The following ARHGAP31 variants were observed in gnomAD, a reference collection of about 807,000 sequenced individuals.
The protein encoded by ARHGAP31 is Rho GTPase activating protein 31.
Under a neutral mutation model 113.9 loss-of-function variants are expected in ARHGAP31, and 34 were observed. That is an observed-to-expected ratio of 0.30 (90% CI 0.23 to 0.40). The LOEUF is 0.40. Among genes scored for constraint, ARHGAP31 ranks in the 10% least tolerant of loss-of-function variants. ARHGAP31 has a pLI of 1.00. For synonymous variants in ARHGAP31, 650 were observed against 684.8 expected (o/e 0.95, Z 0.79); for missense variants, 1,548 against 1,767.1 (o/e 0.88, Z 2.22).
intron 11 of ARHGAP31, among the ~76,000 whole-genome samples, chr3:119,410,754 A>G (rs771288615): frequency 6.6e-6 from 1 of 152,232 alleles, no homozygotes; most frequent in African/African-American, 2.4e-5. Flanking sequence ...CAAAACATGT[A>G]TTTAACATGA....
intron 1 of ARHGAP31, chr3:119,329,701 G>GA (rs960714441): frequency 1.3e-6 from 1 of 740,800 alleles, no homozygotes; most frequent in Admixed American, 6.3e-5. Flanking sequence ...GGGGAACTTC[G>GA]AAACAGGACT....
chr3:119,416,374 G>T lies in ARHGAP31; in HGVS notation c.*110G>T, dbSNP rs1260720168. Reference sequence around the variant, plus strand: ...CGTTATCAAGTTTGGGCCTATTGTGGCCTCTGACTTCTCTTTCTTCAGCCT... The same window carrying T: ...CGTTATCAAGTTTGGGCCTATTGTGTCCTCTGACTTCTCTTTCTTCAGCCT... On this transcript the variant is annotated 3_prime_UTR_variant, in exon 12 of 12. Coordinates refer to ENST00000264245, the MANE Select transcript of ARHGAP31 (RefSeq NM_020754.4). 4.7e-6 allele frequency: 7 copies of T among 1,482,424 alleles called. No homozygotes were observed. In the African/African-American group the frequency reaches 9.7e-5, roughly 21 times the overall value. The allele number at this position is 1,482,424 out of a possible 1,614,324, so 91.8% of individuals were successfully genotyped here.
chr3:119,381,584 A>G (rs1040170319), intron 4 of ARHGAP31, among the ~76,000 whole-genome samples: 1 of 152,176 alleles, frequency 6.6e-6, no homozygotes, highest in African/African-American at 2.4e-5. Context: ...AAGTACCAAG[A>G]TCCCTGTAGC....
chr3:119,343,795 C>T (rs79586552), intron 1 of ARHGAP31, among the ~76,000 whole-genome samples: 3,752 of 152,276 alleles, frequency 0.025, 59 homozygotes, highest in East Asian at 0.061. Flanking sequence ...CTCTGTAGGA[C>T]GAGGAGCTCA....
At chr3:119,356,535 G>A (rs534368527) in intron 1 of ARHGAP31, among the ~76,000 whole-genome samples, 1 of 152,006 alleles carries the variant, frequency 6.6e-6, no homozygotes, top group South Asian at 2.1e-4. Context: ...GGAGGCTAAG[G>A]CAGGAGAATC....
intron 1 of ARHGAP31, among the ~76,000 whole-genome samples, chr3:119,334,270 C>T (rs1159259502): frequency 6.6e-6 from 1 of 152,166 alleles, no homozygotes; most frequent in Non-Finnish European, 1.5e-5. Context: ...GTCCTTTTGG[C>T]CTGGCTCCTT....
At chr3:119,401,216 A>G (rs2080603373) in intron 9 of ARHGAP31, among the ~76,000 whole-genome samples, 1 of 151,656 alleles carries the variant, frequency 6.6e-6, no homozygotes. Flanking sequence ...GCTTTCTAAC[A>G]GTTAGTTAAT....
At chr3:119,338,693 G>A (rs1431461302) in intron 1 of ARHGAP31, among the ~76,000 whole-genome samples, 1 of 152,132 alleles carries the variant, frequency 6.6e-6, no homozygotes, top group Non-Finnish European at 1.5e-5. Flanking sequence ...GTTAAGCTTG[G>A]AAAGAGTTTT....
At chr3:119,342,042 C>A (rs1284840264) in intron 1 of ARHGAP31, 1 of 152,144 alleles carries the variant, frequency 6.6e-6, no homozygotes, top group Non-Finnish European at 1.5e-5. Context: ...CTAACCTGGT[C>A]CCCACCACTT....
Position 119,382,385 on chromosome 3 carries a change from G to A in ARHGAP31, c.525G>A (p.Ala175=), listed in dbSNP as rs1304654063. ...CCCGGAACCTGGCCCTGGTGTGGGC[G>A]CCAAACCTCCTCAGGTAACCACTCT... ...MHARNLALVW[A]PNLLRSKEIE... is the part of the protein sequence containing the mutation. Residue 175 remains alanine (A), a synonymous_variant, in exon 5 of 12, where the codon GCG becomes GCA. Transcript: ENST00000264245. 15 of 1,613,940 alleles carry A rather than the reference G, an allele frequency of 9.3e-6. No homozygotes were observed. Among genetic ancestry groups the A allele is most frequent in the East Asian group, 2.2e-5 (1 of 44,888 alleles).
intron 1 of ARHGAP31, among the ~76,000 whole-genome samples, chr3:119,350,783 G>C (rs2080104231): frequency 6.6e-6 from 1 of 152,194 alleles, no homozygotes; most frequent in African/African-American, 2.4e-5. Context: ...TGGGTGGAGT[G>C]AGCTGGGGAA....
chr3:119,412,429 T>C (rs1325694413), intron 11 of ARHGAP31, among the ~76,000 whole-genome samples: 1 of 151,366 alleles, frequency 6.6e-6, no homozygotes, highest in Non-Finnish European at 1.5e-5. Flanking sequence ...AAATTGAAAT[T>C]GGTTGTCCTG....
chr3:119,329,992 T>C, intron 1 of ARHGAP31: 11 of 985,316 alleles, frequency 1.1e-5, no homozygotes, highest in Non-Finnish European at 1.3e-5. Context: ...GCGGGGTGAG[T>C]TTCCACTATC....
In ARHGAP31 at chr3:119,326,351, G is replaced by A. The variant is rs79374565; in HGVS notation, c.100+31347G>A. Among the ~76,000 whole-genome samples the A allele has an allele frequency of 7.7e-3, 1,175 of 152,242 alleles. 11 individuals carry two copies. The highest frequency in any genetic ancestry group is 0.026 in the African/African-American group (1,064 of 41,552). ...ATTAGGGTCTGGTACAGTCAGCTGA[G>A]AATGTGTCGTGCTACTGTACAGATC... On this transcript the variant is annotated intron_variant, in intron 1 of 11. Transcript: ENST00000264245.
At chr3:119,319,640 GA>G (rs1233634218) in intron 1 of ARHGAP31, among the ~76,000 whole-genome samples, 1 of 152,116 alleles carries the variant, frequency 6.6e-6, no homozygotes, top group African/African-American at 2.4e-5. Flanking sequence ...TCCTAGTACT[GA>G]AGCATCATAT....
At chr3:119,356,848 A>T (rs199571151) in intron 1 of ARHGAP31, among the ~76,000 whole-genome samples, 2,625 of 152,266 alleles carry the variant, frequency 0.017, 48 homozygotes, top group East Asian at 0.061. Context: ...AACTGTTGTA[A>T]TGAATAGCCT....
At chr3:119,352,265 T>A (rs1433713563) in intron 1 of ARHGAP31, among the ~76,000 whole-genome samples, 2 of 152,146 alleles carry the variant, frequency 1.3e-5, no homozygotes, top group Non-Finnish European at 2.9e-5. Flanking sequence ...TTTTCTCTAC[T>A]CAGCACCACC....
chr3:119,345,771 C>T (rs189608936), intron 1 of ARHGAP31, among the ~76,000 whole-genome samples: 1 of 152,286 alleles, frequency 6.6e-6, no homozygotes, highest in East Asian at 1.9e-4. Flanking sequence ...GGCTCTGTCC[C>T]TCTTCCCAGG....
chr3:119,351,152 C>T (rs1359467490), intron 1 of ARHGAP31, among the ~76,000 whole-genome samples: 1 of 152,300 alleles, frequency 6.6e-6, no homozygotes, highest in East Asian at 1.9e-4. Flanking sequence ...ACCCCAGCAC[C>T]TACTGCCTGG....
Sources: allele counts gnomAD v4.1 joint callset (sites outside exome capture counted in the v4.1 genomes callset), GRCh38; gene constraint gnomAD v4.1.1; transcripts MANE v1.5; gene names NCBI Gene and HGNC (gene_info 2026-07-23, HGNC 2026-07-21).